USP6NL: variants seen among roughly 807,000 people sequenced by gnomAD.
USP6NL encodes the protein USP6 N-terminal-like protein.
Under a neutral mutation model 61.9 loss-of-function variants are expected in USP6NL, and 26 were observed. The ratio of observed to expected loss-of-function variants is 0.42; its 90% CI spans 0.31 to 0.58. The LOEUF (loss-of-function observed/expected upper bound fraction) is 0.58. Among genes scored for constraint, USP6NL ranks in the 20% least tolerant of loss-of-function variants. The probability of loss-of-function intolerance (pLI) is 0.16; values close to 1 mark genes in which losing one functional copy is unlikely to be tolerated. For missense variants in USP6NL, 1,114 were observed against 1,034.3 expected (o/e 1.08, Z -1.06); for synonymous variants, 432 against 390.1 (o/e 1.11, Z -1.27).
At chr10:11,524,317 ATAAAG>A (rs1566157140) in intron 4 of USP6NL, among the ~76,000 whole-genome samples, 1 of 152,220 alleles carries the variant, frequency 6.6e-6, no homozygotes, top group African/African-American at 2.4e-5. Context: ...CCAGAACTTT[ATAAAG>A]TATTCTTATA....
At position 11,489,364 on chromosome 10, in the gene USP6NL, C is replaced by A; in HGVS notation, c.544-142G>T. 1.9e-6 allele frequency: 2 copies of A among 1,060,704 alleles called. No individual in the cohort carries two copies. Among genetic ancestry groups the A allele is most frequent in the African/African-American group, 1.6e-5 (1 of 63,212 alleles). The allele number at this position is 1,060,704 out of a possible 1,614,324, so 65.7% of individuals were successfully genotyped here. A position where few individuals can be genotyped will look rare whatever the true frequency, so the allele number is the denominator to read the frequency against. ...CCATTCTAGAGACAAATACTATACT[C>A]TTTACAGTATTATGCCACATAAGAG... is the stretch of plus-strand genomic sequence containing the variant. On this transcript the variant is annotated intron_variant, in intron 9 of 14. Coordinates refer to ENST00000609104, the MANE Select transcript of USP6NL (RefSeq NM_014688.5). The surrounding 1 kb of genome is among the most constrained non-coding windows in gnomAD (Gnocchi z 5.7).
chr10:11,607,425 T>C lies in USP6NL; in HGVS notation c.-84+4018A>G, dbSNP rs57681805. On this transcript the variant is annotated intron_variant, in intron 1 of 14. Transcript: ENST00000609104. The stretch of plus-strand genomic sequence containing the variant: ...TTAGCCAGGCAAAGTGGCTCACAAC[T>C]GCAATCCCAGCACTTTGGGAGGCTG... Among the ~76,000 whole-genome samples the C allele has an allele frequency of 2.4e-3, 361 of 152,288 alleles. 2 individuals carry two copies. The highest frequency in any genetic ancestry group is 8.3e-3 in the African/African-American group (347 of 41,572).
chr10:11,463,395 C>T lies in USP6NL; in HGVS notation c.1533G>A (p.Ala511=), dbSNP rs374466709. ...GGACGGTAACTGCGAGCGCGGGGTG[C>T]GCTGCTCGACCTTTGCCTTCCATGG... ...KYTMEGKGRA[A]HPALAVTVPG... The change falls in exon 15 of 15, where the codon GCG becomes GCA. Residue 511 remains alanine (A), a synonymous_variant. Coordinates refer to ENST00000609104, the MANE Select transcript of USP6NL (RefSeq NM_014688.5). This position sits in a 1 kb window ranked among gnomAD's most constrained non-coding sequence, Gnocchi z 6.3. 142 of 1,613,904 alleles carry T rather than the reference C, an allele frequency of 8.8e-5. No individual in the cohort carries two copies. The highest frequency in any genetic ancestry group is 1.2e-4 in the Non-Finnish European group (138 of 1,179,910).
chr10:11,513,332 G>A lies in USP6NL; in HGVS notation c.196-3657C>T, dbSNP rs1386032376. ...ATAATATCCCGTATGTGGCAGAATGGTAGAAATGGAATTATTCCATCATGC... is the reference window on the plus strand; with the variant it reads ...ATAATATCCCGTATGTGGCAGAATGATAGAAATGGAATTATTCCATCATGC... On this transcript the variant is annotated intron_variant, in intron 5 of 14. Transcript: ENST00000609104. The surrounding 1 kb of genome is among the most constrained non-coding windows in gnomAD (Gnocchi z 4.7). 6.6e-6 allele frequency among the ~76,000 whole-genome samples: 1 copy of A among 152,212 alleles called. No homozygotes were observed. The highest frequency in any genetic ancestry group is 1.5e-5 in the Non-Finnish European group (1 of 68,038).
rs1838162603 is a variant in USP6NL, at chr10:11,591,717, T to G, written c.4+5914A>C. 6.6e-6 allele frequency among the ~76,000 whole-genome samples: 1 copy of G among 152,120 alleles called. No homozygotes were observed. On this transcript the variant is annotated intron_variant, in intron 2 of 14. Coordinates refer to ENST00000609104, the MANE Select transcript of USP6NL (RefSeq NM_014688.5). The surrounding 1 kb of genome is among the most constrained non-coding windows in gnomAD (Gnocchi z 4.7). ...CCAAAAGGTATATGGAAATTTGGGG[T>G]ACTATTTTTACAACTTTTCTTGTTG...
chr10:11,584,175 C>T (rs1299053610), intron 2 of USP6NL, among the ~76,000 whole-genome samples: 2 of 152,228 alleles, frequency 1.3e-5, no homozygotes, highest in African/African-American at 2.4e-5. Flanking sequence ...GACTACACTA[C>T]TGCACTCCAG....
At chr10:11,508,760 G>C (rs1834568677) in intron 6 of USP6NL, among the ~76,000 whole-genome samples, 1 of 152,184 alleles carries the variant, frequency 6.6e-6, no homozygotes, top group Non-Finnish European at 1.5e-5. Flanking sequence ...AAGAAAAAGT[G>C]CTTAGGATGA....
intron 1 of USP6NL, among the ~76,000 whole-genome samples, chr10:11,604,786 A>G (rs1181266821): frequency 6.6e-6 from 1 of 152,242 alleles, no homozygotes; most frequent in Non-Finnish European, 1.5e-5. Context: ...TGCTTTAAAA[A>G]TTAGTGTACT....
rs536787427 is a variant in USP6NL, at chr10:11,557,825, G to A, written c.5-30258C>T. Among the ~76,000 whole-genome samples, 30 of 152,332 alleles carry A rather than the reference G, an allele frequency of 2.0e-4. No homozygotes were observed. In the East Asian group the frequency reaches 3.5e-3, roughly 18 times the overall value. Reference sequence around the variant, plus strand: ...GGTAGAATACATGGGTTCAGTTAACGAGATGCAGGGAGCTCCAACAGTATT... The same window carrying A: ...GGTAGAATACATGGGTTCAGTTAACAAGATGCAGGGAGCTCCAACAGTATT... On this transcript the variant is annotated intron_variant, in intron 2 of 14. Transcript: ENST00000609104.
At chr10:11,509,769 T>A in intron 5 of USP6NL, 94 bp from the exon 6 acceptor site, 1 of 1,059,218 alleles carries the variant, frequency 9.4e-7, no homozygotes, top group Non-Finnish European at 1.4e-6. Context: ...AAAAAGGAAC[T>A]AAAAAAGTTA....
chr10:11,503,085 C>T (rs1260024241), intron 6 of USP6NL, among the ~76,000 whole-genome samples: 6 of 152,098 alleles, frequency 3.9e-5, no homozygotes, highest in Non-Finnish European at 7.4e-5. Context: ...GTAATATCAT[C>T]CACAAAAAGT....
chr10:11,528,152 C>CAG lies in USP6NL; in HGVS notation c.5-586_5-585insCT, dbSNP rs1236047073. ...AGACACACACACACACACACACACACACACACACCCTTCATCCTTATTAAC... is the reference window on the plus strand; with the variant it reads ...AGACACACACACACACACACACACACAGACACACACCCTTCATCCTTATTAAC... On this transcript the variant is annotated intron_variant, in intron 2 of 14. Transcript: ENST00000609104. This position sits in a 1 kb window ranked among gnomAD's most constrained non-coding sequence, Gnocchi z 4.6. Among the ~76,000 whole-genome samples the CAG allele has an allele frequency of 1.3e-5, 2 of 151,826 alleles. No homozygotes were observed. Among genetic ancestry groups the CAG allele is most frequent in the Non-Finnish European group, 2.9e-5 (2 of 67,942 alleles).
intron 2 of USP6NL, among the ~76,000 whole-genome samples, chr10:11,578,891 T>A (rs556805398): frequency 6.6e-6 from 1 of 152,354 alleles, no homozygotes; most frequent in African/African-American, 2.4e-5. Flanking sequence ...GTGCCACATC[T>A]CGTTTATATC....
At chr10:11,582,444 T>C (rs1205027169) in intron 2 of USP6NL, among the ~76,000 whole-genome samples, 2 of 152,236 alleles carry the variant, frequency 1.3e-5, no homozygotes, top group African/African-American at 4.8e-5. Flanking sequence ...CACTTCATTC[T>C]AGAATGTAGA....
In USP6NL at chr10:11,493,242, G is replaced by A; in HGVS notation, c.385-14C>T. ...GTGTTTTAATTTCTGAAGAGAGAAA[G>A]AGAGAACAGAACAGATTTTTATGGA... On this transcript the variant is annotated splice_polypyrimidine_tract_variant and intron_variant, in intron 7 of 14. Coordinates refer to ENST00000609104, the MANE Select transcript of USP6NL (RefSeq NM_014688.5). 1 of 1,587,200 alleles carries A rather than the reference G, an allele frequency of 6.3e-7. No individual in the cohort carries two copies. Among genetic ancestry groups the A allele is most frequent in the South Asian group, 1.1e-5 (1 of 87,436 alleles).
chr10:11,569,602 C>T (rs190344156), intron 2 of USP6NL, among the ~76,000 whole-genome samples: 1 of 152,206 alleles, frequency 6.6e-6, no homozygotes, highest in East Asian at 1.9e-4. Context: ...GGCACTGGAA[C>T]CCGAAGGCTG....
At chr10:11,605,812 T>C (rs910519720) in intron 1 of USP6NL, among the ~76,000 whole-genome samples, 1 of 151,674 alleles carries the variant, frequency 6.6e-6, no homozygotes, top group African/African-American at 2.4e-5. Context: ...CTGAAGAAAA[T>C]ATTCAAAACA....
chr10:11,484,843 C>T (rs1251428680), intron 13 of USP6NL, 128 bp downstream of exon 13: 3 of 675,638 alleles, frequency 4.4e-6, no homozygotes, highest in East Asian at 3.0e-5. Flanking sequence ...AATTTCTCCA[C>T]TGATTTTCAA....
intron 2 of USP6NL, among the ~76,000 whole-genome samples, chr10:11,546,398 A>G (rs939079056): frequency 3.3e-5 from 5 of 151,954 alleles, no homozygotes; most frequent in Admixed American, 3.3e-4. Flanking sequence ...GACAATTTGG[A>G]TTTTTCTTTA....
Sources: gnomAD v4.1 joint callset for allele counts (sites outside exome capture counted in the v4.1 genomes callset) on GRCh38, gnomAD v4.1.1 for gene constraint, Gnocchi (gnomAD v3.1) non-coding constraint, MANE v1.5 for transcripts, NCBI Gene and HGNC (gene_info 2026-07-23, HGNC 2026-07-21) for gene names.